Variants in MAD1L1 observed in about 807,000 individuals in gnomAD.
MAD1L1 encodes the protein mitotic spindle assembly checkpoint protein MAD1.
In MAD1L1, 95 loss-of-function variants were observed where a neutral mutation model predicts 96.9. The observed-to-expected ratio is 0.98, with a 90% CI of 0.83 to 1.16. MAD1L1 has a LOEUF of 1.16. Ranked by LOEUF, MAD1L1 falls within the 50% of genes most tolerant of loss-of-function variation. The probability of loss-of-function intolerance (pLI) is 0.00; values close to 1 mark genes in which losing one functional copy is unlikely to be tolerated. For missense variants in MAD1L1, 1,007 were observed against 954.4 expected, an observed-to-expected ratio of 1.06 and a Z score of -0.73; for synonymous variants, 473 against 396.6, an observed-to-expected ratio of 1.19 and a Z score of -2.29.
At chr7:1,832,646 GGT>G (rs1554266498) in intron 18 of MAD1L1, among the ~76,000 whole-genome samples, 1 of 57,360 alleles carries the variant, frequency 1.7e-5, no homozygotes, top group African/African-American at 5.6e-5. Flanking sequence ...GGGGGGGGGG[GGT>G]GGGGATGGAG....
Position 1,936,786 on chromosome 7 carries a change from G to A in MAD1L1, c.1708C>T (p.Arg570Ter), listed in dbSNP as rs376905987. The A allele has an allele frequency of 3.2e-5, 51 of 1,581,970 alleles. No individual in the cohort carries two copies. The highest frequency in any genetic ancestry group is 3.6e-5 in the Admixed American group (2 of 55,150). ...DHSQLQAECE[R>*]LRGLLRAMER... is the part of the protein sequence containing the mutation. Reference sequence around the variant, plus strand: ...ATGGCGCGCAGGAGCCCGCGCAGTCGCTCGCACTCCGCCTGCAGCTGGCTG... The same window carrying A: ...ATGGCGCGCAGGAGCCCGCGCAGTCACTCGCACTCCGCCTGCAGCTGGCTG... The change falls in exon 17 of 19, where the codon CGA (arginine) becomes TGA (stop). Residue 570 changes from arginine (R) to a stop codon, truncating the protein, a stop_gained. Coordinates refer to ENST00000265854, the MANE Select transcript of MAD1L1 (RefSeq NM_001013836.2). LOFTEE classifies it high-confidence loss of function.
At chr7:2,003,616 G>A (rs1781901838) in intron 13 of MAD1L1, among the ~76,000 whole-genome samples, 1 of 152,268 alleles carries the variant, frequency 6.6e-6, no homozygotes, top group South Asian at 2.1e-4. Context: ...AGCCTCTGGT[G>A]TGGGGCCTCA....
chr7:2,229,809 A>T (rs1399704839), intron 3 of MAD1L1, among the ~76,000 whole-genome samples, 175 bp downstream of exon 3: 1 of 152,258 alleles, frequency 6.6e-6, no homozygotes, highest in Non-Finnish European at 1.5e-5. Flanking sequence ...GGCCCCAACT[A>T]GCCTCCAGCT....
At chr7:2,039,037 T>C (rs1783565364) in intron 12 of MAD1L1, among the ~76,000 whole-genome samples, 1 of 152,240 alleles carries the variant, frequency 6.6e-6, no homozygotes. Flanking sequence ...CGATTCCTCC[T>C]GTGCGTCTCC....
chr7:1,994,094 A>T (rs1351652832), intron 14 of MAD1L1, among the ~76,000 whole-genome samples: 1 of 152,184 alleles, frequency 6.6e-6, no homozygotes, highest in Non-Finnish European at 1.5e-5. Flanking sequence ...TCCTCGTCTG[A>T]GTATCTGGGG....
chr7:2,135,625 G>A (rs966555264), intron 11 of MAD1L1, among the ~76,000 whole-genome samples: 2 of 152,190 alleles, frequency 1.3e-5, no homozygotes, highest in South Asian at 4.1e-4. Context: ...GCAGAGGAAG[G>A]CTCAGGTGGT....
intron 11 of MAD1L1, among the ~76,000 whole-genome samples, chr7:2,106,367 C>T (rs1787099933): frequency 6.6e-6 from 1 of 151,626 alleles, no homozygotes; most frequent in Non-Finnish European, 1.5e-5. Context: ...CCTTCTCTAT[C>T]GGATATACAT....
At chr7:1,899,830 T>C (rs1787131829) in intron 17 of MAD1L1, among the ~76,000 whole-genome samples, 1 of 152,070 alleles carries the variant, frequency 6.6e-6, no homozygotes, top group Non-Finnish European at 1.5e-5. Context: ...GCAGTCCAGG[T>C]TGCTTCCTGG....
In MAD1L1 at chr7:2,168,696, C is replaced by T. The variant is rs543288655; in HGVS notation, c.987-19458G>A. On this transcript the variant is annotated intron_variant, in intron 10 of 18. Coordinates refer to ENST00000265854, the MANE Select transcript of MAD1L1 (RefSeq NM_001013836.2). ...TGGGTGAACCAGCCGCGAGAAGGCACAGGACGATACTCCCGCGTGGAGGGC... is the reference window on the plus strand; with the variant it reads ...TGGGTGAACCAGCCGCGAGAAGGCATAGGACGATACTCCCGCGTGGAGGGC... Among the ~76,000 whole-genome samples the T allele has an allele frequency of 3.5e-4, 54 of 152,382 alleles. 1 individual carries two copies. In the South Asian group the frequency reaches 0.011, roughly 32 times the overall value.
chr7:2,163,984 A>G (rs971339614), intron 10 of MAD1L1, among the ~76,000 whole-genome samples: 4 of 152,092 alleles, frequency 2.6e-5, no homozygotes, highest in Admixed American at 1.3e-4. Flanking sequence ...CAAGCACTCA[A>G]TTCTAAGTCC....
At chr7:2,016,399 G>A (rs1185605577) in intron 12 of MAD1L1, among the ~76,000 whole-genome samples, 1 of 152,186 alleles carries the variant, frequency 6.6e-6, no homozygotes, top group Non-Finnish European at 1.5e-5. Context: ...GGCAGCCTGG[G>A]GAGCAAGACC....
chr7:2,076,315 C>T (rs755171072), intron 11 of MAD1L1, among the ~76,000 whole-genome samples: 1 of 152,196 alleles, frequency 6.6e-6, no homozygotes, highest in Non-Finnish European at 1.5e-5. Flanking sequence ...GTCCTGAGGG[C>T]GGAGTGCTCC....
At chr7:1,996,767 T>C (rs977890569) in intron 14 of MAD1L1, among the ~76,000 whole-genome samples, 10 of 152,182 alleles carry the variant, frequency 6.6e-5, no homozygotes, top group African/African-American at 2.4e-4. Context: ...AGGAAGATGC[T>C]GCTTAATCAG....
intron 10 of MAD1L1, among the ~76,000 whole-genome samples, chr7:2,188,913 G>C (rs1791585283): frequency 6.6e-6 from 1 of 152,146 alleles, no homozygotes; most frequent in Non-Finnish European, 1.5e-5. Context: ...TAGAATGGGA[G>C]AAAATGTTTG....
At chr7:2,002,196 C>T (rs998627351) in intron 13 of MAD1L1, 75 bp from the exon 14 acceptor site, 4 of 1,381,454 alleles carry the variant, frequency 2.9e-6, no homozygotes, top group Admixed American at 1.7e-5. Flanking sequence ...GGGAACACAA[C>T]CCCCACCACC....
chr7:1,941,144 C>T (rs1778978030), intron 16 of MAD1L1, among the ~76,000 whole-genome samples: 1 of 152,244 alleles, frequency 6.6e-6, no homozygotes, highest in African/African-American at 2.4e-5. Flanking sequence ...GGGGGACTTG[C>T]AGGAGGGGTC....
intron 17 of MAD1L1, among the ~76,000 whole-genome samples, chr7:1,936,129 C>T (rs1169054879): frequency 6.6e-6 from 1 of 152,246 alleles, no homozygotes; most frequent in Admixed American, 6.5e-5. Context: ...CCGGCAGCAC[C>T]CTCCGAGGCT....
Position 2,149,221 on chromosome 7 carries a change from G to A in MAD1L1, c.1004C>T (p.Ser335Phe). The A allele has an allele frequency of 6.2e-7, 1 of 1,613,982 alleles. No individual in the cohort carries two copies. Among genetic ancestry groups the A allele is most frequent in the Non-Finnish European group, 8.5e-7 (1 of 1,179,970 alleles). Residue 335 changes from serine to phenylalanine, a missense_variant, in exon 11 of 19, where the codon TCC (serine) becomes TTC (phenylalanine). Coordinates refer to ENST00000265854, the MANE Select transcript of MAD1L1 (RefSeq NM_001013836.2). The stretch of plus-strand genomic sequence containing the variant: ...CTGCTGCAGCTCAACCACGAATCTG[G>A]AAAGGTCTTCTGGAGTCCTGCAGGA... ...GLSIRTPEDL[S>F]RFVVELQQRE...
chr7:2,215,398 C>A (rs1222410516), intron 9 of MAD1L1, among the ~76,000 whole-genome samples: 2 of 151,272 alleles, frequency 1.3e-5, no homozygotes, highest in African/African-American at 4.9e-5. Context: ...AAAAAAAAGC[C>A]CACAAATGTA....
Sources: gnomAD v4.1 joint callset for allele counts (sites outside exome capture counted in the v4.1 genomes callset) on GRCh38, gnomAD v4.1.1 for gene constraint, MANE v1.5 for transcripts, NCBI Gene and HGNC (gene_info 2026-07-23, HGNC 2026-07-21) for gene names.